PODXL2: variants seen among roughly 807,000 people sequenced by gnomAD.
The protein encoded by PODXL2 is podocalyxin-like protein 2.
PODXL2 carries 17 observed loss-of-function variants against 53.4 expected under a neutral mutation model. The observed-to-expected ratio is 0.32, with a 90% CI of 0.22 to 0.48. PODXL2 has a LOEUF of 0.48. Among genes scored for constraint, PODXL2 ranks in the 20% least tolerant of loss-of-function variants. The pLI is 0.99. For missense variants in PODXL2, 673 were observed against 760.0 expected (o/e 0.89, Z 1.35); for synonymous variants, 311 against 306.7 (o/e 1.01, Z -0.15).
chr3:127,662,166 C>A, intron 3 of PODXL2, 71 bp from the exon 4 acceptor site: 1 of 1,371,132 alleles, frequency 7.3e-7, no homozygotes, highest in Non-Finnish European at 1.0e-6. Context: ...AGGCCTCCGA[C>A]CGGGGCTCTC....
At chr3:127,635,030 C>T (rs1205263934) in intron 1 of PODXL2, among the ~76,000 whole-genome samples, 2 of 152,222 alleles carry the variant, frequency 1.3e-5, no homozygotes, top group African/African-American at 2.4e-5. Flanking sequence ...ATCGTCTCTG[C>T]TGTTTTGCTT....
chr3:127,672,733 G>A lies in PODXL2; in HGVS notation c.*253G>A. 1 of 412,416 alleles carries A rather than the reference G, an allele frequency of 2.4e-6. No individual in the cohort carries two copies. Among genetic ancestry groups the A allele is most frequent in the Admixed American group, 4.6e-5 (1 of 21,940 alleles). The allele number at this position is 412,416 out of a possible 1,614,324, so 25.5% of individuals were successfully genotyped here. Reference sequence around the variant, plus strand: ...CCCGCCCCTGAACCCCGGCCCCGCGGGCGGCGGGCGGCGCTTCCTGCGCCC... The same window carrying A: ...CCCGCCCCTGAACCCCGGCCCCGCGAGCGGCGGGCGGCGCTTCCTGCGCCC... On this transcript the variant is annotated 3_prime_UTR_variant, in exon 8 of 8. Transcript: ENST00000342480.
chr3:127,632,696 G>A (rs996437713), intron 1 of PODXL2, among the ~76,000 whole-genome samples: 39 of 152,088 alleles, frequency 2.6e-4, no homozygotes, highest in African/African-American at 9.2e-4. Flanking sequence ...CTGCTACATC[G>A]GCTCATATCC....
At chr3:127,671,321 C>T in intron 6 of PODXL2, 113 bp from the exon 7 acceptor site, 1 of 937,136 alleles carries the variant, frequency 1.1e-6, no homozygotes, top group Non-Finnish European at 1.6e-6. Context: ...CCGGGAGTGC[C>T]AGCACCTTCT....
chr3:127,669,094 G>A lies in PODXL2; in HGVS notation c.1364-47G>A, dbSNP rs752686472. 1.3e-5 allele frequency: 17 copies of A among 1,349,588 alleles called. No individual in the cohort carries two copies. The East Asian group carries it at 1.5e-4, about 12-fold the overall frequency. The allele number at this position is 1,349,588 out of a possible 1,614,324, so 83.6% of individuals were successfully genotyped here. On this transcript the variant is annotated intron_variant, in intron 5 of 7. Transcript: ENST00000342480. ...GGGGCCAGAGCCCTTGGAGGGGCAC[G>A]CACCTCAGCCATGGTCACACTGATA...
chr3:127,661,261 G>T, intron 3 of PODXL2, 102 bp downstream of exon 3: 1 of 862,412 alleles, frequency 1.2e-6, no homozygotes. Context: ...CCAGGTTGAG[G>T]AGGGAGGCCC....
intron 2 of PODXL2, among the ~76,000 whole-genome samples, chr3:127,652,722 T>C (rs2074697672): frequency 6.6e-6 from 1 of 152,048 alleles, no homozygotes; most frequent in African/African-American, 2.4e-5. Context: ...GCTCTAGAGG[T>C]ACACCTTGGT....
rs1294808503 is a variant in PODXL2, at chr3:127,671,439, C to T, written c.1431C>T (p.Gly477=). The change falls in exon 7 of 8, where the codon GGC becomes GGT. Residue 477 remains glycine (G), a synonymous_variant. Coordinates refer to ENST00000342480, the MANE Select transcript of PODXL2 (RefSeq NM_015720.4). ...CTGGCCCCTCCCACCCCTAGATTGG[C>T]ATCCAGAACTATTCCACAACCAGCA... ...GDIRRSLEEI[G]IQNYSTTSSC... The T allele has an allele frequency of 1.9e-6, 3 of 1,613,490 alleles. No homozygotes were observed. Among genetic ancestry groups the T allele is most frequent in the East Asian group, 2.2e-5 (1 of 44,848 alleles).
intron 2 of PODXL2, among the ~76,000 whole-genome samples, chr3:127,655,416 A>G (rs1350120162): frequency 6.6e-6 from 1 of 152,104 alleles, no homozygotes; most frequent in East Asian, 1.9e-4. Flanking sequence ...AAATAATAAT[A>G]ATGATAATAA....
At chr3:127,650,720 G>C (rs1249821472) in intron 2 of PODXL2, among the ~76,000 whole-genome samples, 1 of 151,998 alleles carries the variant, frequency 6.6e-6, no homozygotes, top group East Asian at 1.9e-4. Flanking sequence ...GCAGTGGTGC[G>C]ATCTCGGCTC....
chr3:127,646,184 C>T (rs953737089), intron 2 of PODXL2, among the ~76,000 whole-genome samples: 1 of 152,120 alleles, frequency 6.6e-6, no homozygotes, highest in Non-Finnish European at 1.5e-5. Context: ...ATTCTTACTT[C>T]CATTTAGCTG....
intron 2 of PODXL2, among the ~76,000 whole-genome samples, chr3:127,658,753 C>G (rs371506788): frequency 6.6e-6 from 1 of 152,150 alleles, no homozygotes; most frequent in Non-Finnish European, 1.5e-5. Flanking sequence ...GAGAATGAGG[C>G]TAGGTGTAAG....
At chr3:127,642,291 G>GAA (rs201417926) in intron 2 of PODXL2, among the ~76,000 whole-genome samples, 14 of 77,224 alleles carry the variant, frequency 1.8e-4, no homozygotes, top group Admixed American at 3.1e-4. Context: ...CTCCATCTCA[G>GAA]AAAAAAAAAA....
chr3:127,639,602 C>A, intron 2 of PODXL2, 79 bp downstream of exon 2: 1 of 1,300,124 alleles, frequency 7.7e-7, no homozygotes, highest in Non-Finnish European at 1.1e-6. Flanking sequence ...CATTTCCTTG[C>A]CAGAAGCATC....
At chr3:127,637,348 T>C (rs561931788) in intron 1 of PODXL2, among the ~76,000 whole-genome samples, 15 of 152,372 alleles carry the variant, frequency 9.8e-5, no homozygotes, top group African/African-American at 3.4e-4. Flanking sequence ...TTAATGTATT[T>C]GAAGATACCA....
intron 1 of PODXL2, among the ~76,000 whole-genome samples, chr3:127,638,188 G>A (rs572938573): frequency 6.6e-6 from 1 of 152,322 alleles, no homozygotes; most frequent in African/African-American, 2.4e-5. Flanking sequence ...GTGTGGTTAG[G>A]TCATTAAGTT....
intron 1 of PODXL2, among the ~76,000 whole-genome samples, chr3:127,631,502 T>C (rs544241451): frequency 3.3e-5 from 5 of 152,360 alleles, no homozygotes; most frequent in East Asian, 1.9e-4. Flanking sequence ...GCTGATCCCC[T>C]AATCCTTTTC....
At position 127,669,130 on chromosome 3, in the gene PODXL2, T is replaced by C. The variant is rs1160718589; in HGVS notation, c.1364-11T>C. ...ATGGTCACACTGATAGTGGTGTTTC[T>C]TACCCCCCAGGGGTGGTGCCCACTC... On this transcript the variant is annotated splice_polypyrimidine_tract_variant and intron_variant, in intron 5 of 7. Transcript: ENST00000342480. The C allele has an allele frequency of 6.3e-7, 1 of 1,594,896 alleles. No individual in the cohort carries two copies. The highest frequency in any genetic ancestry group is 8.5e-7 in the Non-Finnish European group (1 of 1,169,658).
Position 127,663,752 on chromosome 3 carries a change from A to G in PODXL2, c.1206+1441A>G, listed in dbSNP as rs150748959. Among the ~76,000 whole-genome samples, 160 of 152,288 alleles carry G rather than the reference A, an allele frequency of 1.1e-3. 1 individual carries two copies. The East Asian group carries it at 0.028, about 26-fold the overall frequency. On this transcript the variant is annotated intron_variant, in intron 4 of 7. Transcript: ENST00000342480. Reference sequence around the variant, plus strand: ...CCAGGCTCACCTTCCTCCCCCAGACATGGAGCCCTCATTCCCTTCATTGGG... The same window carrying G: ...CCAGGCTCACCTTCCTCCCCCAGACGTGGAGCCCTCATTCCCTTCATTGGG...
Sources: gnomAD v4.1 joint callset for allele counts (sites outside exome capture counted in the v4.1 genomes callset) on GRCh38, gnomAD v4.1.1 for gene constraint, MANE v1.5 for transcripts, NCBI Gene and HGNC (gene_info 2026-07-23, HGNC 2026-07-21) for gene names.